Variants in MACROD2 observed in about 807,000 individuals in gnomAD.
MACROD2 encodes the protein ADP-ribose glycohydrolase MACROD2.
A neutral mutation model predicts 70.4 loss-of-function variants in MACROD2; 36 were observed. That is an observed-to-expected ratio of 0.51 (90% CI 0.39 to 0.68). The LOEUF (loss-of-function observed/expected upper bound fraction) is 0.68. MACROD2 is among the 30% of genes least tolerant of loss of function. The pLI is 0.00. For missense variants in MACROD2, 496 were observed against 538.4 expected, an observed-to-expected ratio of 0.92 and a Z score of 0.78; for synonymous variants, 172 against 178.8, an observed-to-expected ratio of 0.96 and a Z score of 0.30.
intron 15 of MACROD2, among the ~76,000 whole-genome samples, chr20:16,009,407 C>A (rs1242070409): frequency 6.6e-6 from 1 of 152,144 alleles, no homozygotes; most frequent in African/African-American, 2.4e-5. Context: ...CTCATGTTCC[C>A]TGTCTTGGGG....
intron 3 of MACROD2, among the ~76,000 whole-genome samples, chr20:14,435,272 G>A (rs966320368): frequency 6.6e-6 from 1 of 152,086 alleles, no homozygotes; most frequent in Non-Finnish European, 1.5e-5. Context: ...TCTTCTCTAT[G>A]TCTCCTAATA....
chr20:14,557,608 T>C (rs905656636), intron 4 of MACROD2, among the ~76,000 whole-genome samples: 2 of 151,820 alleles, frequency 1.3e-5, no homozygotes, highest in African/African-American at 4.8e-5. Context: ...AAATTGCTAA[T>C]AAGCACATGA....
At chr20:14,201,611 G>A (rs1184848135) in intron 3 of MACROD2, among the ~76,000 whole-genome samples, 3 of 152,070 alleles carry the variant, frequency 2.0e-5, no homozygotes, top group Admixed American at 6.6e-5. Flanking sequence ...GGAGGCCGAG[G>A]TGGGTGGCTC....
chr20:14,203,618 A>G (rs902241918), intron 3 of MACROD2, among the ~76,000 whole-genome samples: 3 of 152,204 alleles, frequency 2.0e-5, no homozygotes, highest in Non-Finnish European at 4.4e-5. Flanking sequence ...GGGTAAGCAC[A>G]GTAGTGTAGT....
chr20:14,191,123 G>A (rs969541725), intron 3 of MACROD2, among the ~76,000 whole-genome samples: 1 of 152,102 alleles, frequency 6.6e-6, no homozygotes, highest in Non-Finnish European at 1.5e-5. Context: ...TACATCTTGT[G>A]TACGTATTGC....
chr20:14,293,465 C>A (rs913893961), intron 3 of MACROD2, among the ~76,000 whole-genome samples: 4 of 151,688 alleles, frequency 2.6e-5, no homozygotes, highest in African/African-American at 4.9e-5. Flanking sequence ...TCAGGTGAGA[C>A]CTTAATGACG....
chr20:14,621,176 G>T (rs1159757359), intron 4 of MACROD2, among the ~76,000 whole-genome samples: 2 of 152,222 alleles, frequency 1.3e-5, no homozygotes, highest in Admixed American at 6.5e-5. Context: ...ACTAATTAAT[G>T]ATTGTAAAAT....
At chr20:14,562,406 T>C (rs1600388719) in intron 4 of MACROD2, among the ~76,000 whole-genome samples, 1 of 151,990 alleles carries the variant, frequency 6.6e-6, no homozygotes, top group Non-Finnish European at 1.5e-5. Flanking sequence ...TAAGTTGGTA[T>C]ATTTATTGTT....
chr20:15,997,325 G>A lies in MACROD2; in HGVS notation c.1153+10167G>A, dbSNP rs145207049. On this transcript the variant is annotated intron_variant, in intron 15 of 17. Coordinates refer to ENST00000684519, the MANE Select transcript of MACROD2 (RefSeq NM_001351661.2). ...GCATTTTAACAACATTAATTCTTTT[G>A]ATTCATAAGTATGGAATATCTTTAC... Among the ~76,000 whole-genome samples the A allele has an allele frequency of 1.1e-4, 16 of 152,114 alleles. No homozygotes were observed. In the East Asian group the frequency reaches 1.5e-3, roughly 15 times the overall value.
intron 6 of MACROD2, among the ~76,000 whole-genome samples, chr20:15,239,118 G>C (rs887612220): frequency 5.9e-5 from 9 of 151,814 alleles, no homozygotes; most frequent in African/African-American, 2.2e-4. Context: ...CATATATCTA[G>C]AGGGTTAATA....
chr20:15,668,594 T>C (rs145333414), intron 8 of MACROD2, among the ~76,000 whole-genome samples: 1,689 of 150,076 alleles, frequency 0.011, 18 homozygotes, highest in East Asian at 0.026. Flanking sequence ...ATAAAAATCA[T>C]AGGTGATGCT....
chr20:15,553,871 C>T (rs1013195856), intron 8 of MACROD2, among the ~76,000 whole-genome samples: 2 of 152,152 alleles, frequency 1.3e-5, no homozygotes, highest in Non-Finnish European at 2.9e-5. Context: ...ACTTGTAGGC[C>T]GTTGAATACT....
chr20:14,508,456 C>T (rs1443093411), intron 4 of MACROD2, among the ~76,000 whole-genome samples: 2 of 152,054 alleles, frequency 1.3e-5, no homozygotes, highest in South Asian at 2.1e-4. Flanking sequence ...TTCATGCAAA[C>T]GGTTTAGAAA....
At position 15,005,388 on chromosome 20, in the gene MACROD2, G is replaced by A. The variant is rs181499637; in HGVS notation, c.419-224552G>A. ...TTCCAAGTGTCCTCTGTACAGACTT[G>A]TTCAAGTGGGAGTTCATAAGTGCAA... On this transcript the variant is annotated intron_variant, in intron 5 of 17. Coordinates refer to ENST00000684519, the MANE Select transcript of MACROD2 (RefSeq NM_001351661.2). Among the ~76,000 whole-genome samples the A allele has an allele frequency of 4.3e-4, 65 of 152,308 alleles. No individual in the cohort carries two copies. The Middle Eastern group carries it at 0.01, about 24-fold the overall frequency.
At chr20:14,734,757 T>C (rs763773625) in intron 5 of MACROD2, among the ~76,000 whole-genome samples, 6 of 152,022 alleles carry the variant, frequency 3.9e-5, no homozygotes, top group Non-Finnish European at 8.8e-5. Context: ...AATACAGTAG[T>C]CAAAACAGCT....
chr20:14,557,926 T>G (rs1305131036), intron 4 of MACROD2, among the ~76,000 whole-genome samples: 1 of 151,834 alleles, frequency 6.6e-6, no homozygotes, highest in Non-Finnish European at 1.5e-5. Flanking sequence ...ACATTAATTT[T>G]CATACCAGTG....
intron 5 of MACROD2, among the ~76,000 whole-genome samples, chr20:14,978,950 C>CAT (rs746783132): frequency 1.1e-3 from 156 of 139,532 alleles, no homozygotes; most frequent in Admixed American, 3.0e-3. Flanking sequence ...TATATATAAT[C>CAT]ATATATATAT....
intron 6 of MACROD2, among the ~76,000 whole-genome samples, chr20:15,327,195 T>C (rs1200006176): frequency 2.0e-5 from 3 of 152,116 alleles, no homozygotes; most frequent in Non-Finnish European, 4.4e-5. Context: ...AATAACAAAC[T>C]GGGAGAAACT....
At chr20:15,221,807 T>C (rs778732848) in intron 5 of MACROD2, among the ~76,000 whole-genome samples, 3 of 152,198 alleles carry the variant, frequency 2.0e-5, no homozygotes, top group Non-Finnish European at 4.4e-5. Flanking sequence ...CAGCACATGA[T>C]GCCCCAAACA....
Sources: gnomAD v4.1 joint callset for allele counts (sites outside exome capture counted in the v4.1 genomes callset) on GRCh38, gnomAD v4.1.1 for gene constraint, MANE v1.5 for transcripts, NCBI Gene and HGNC (gene_info 2026-07-23, HGNC 2026-07-21) for gene names.